Variants in BICC1 observed in about 807,000 individuals in gnomAD.
The protein encoded by BICC1 is BicC family RNA binding protein 1.
Under a neutral mutation model 111.0 loss-of-function variants are expected in BICC1, and 43 were observed. The ratio of observed to expected loss-of-function variants is 0.39; its 90% CI spans 0.30 to 0.50. The LOEUF (loss-of-function observed/expected upper bound fraction) is 0.50, where lower values mean the gene tolerates loss of function less well. BICC1 is among the 20% of genes least tolerant of loss of function. BICC1 has a pLI of 0.88. For missense variants in BICC1, 1,091 were observed against 1,203.2 expected (o/e 0.91, Z 1.38); for synonymous variants, 467 against 434.4 (o/e 1.07, Z -0.93).
chr10:58,562,827 G>C (rs2098962), intron 1 of BICC1, among the ~76,000 whole-genome samples: 13,379 of 152,092 alleles, frequency 0.088, 737 homozygotes, highest in Non-Finnish European at 0.12. Context: ...GATTGGAACA[G>C]TATTGTCTTC....
At chr10:58,632,750 A>G (rs1270530616) in intron 2 of BICC1, among the ~76,000 whole-genome samples, 7 of 152,166 alleles carry the variant, frequency 4.6e-5, no homozygotes, top group African/African-American at 7.2e-5. Context: ...TCCAGCAGAA[A>G]GAACCAACTG....
rs1250187667 is a variant in BICC1, at chr10:58,789,253, T to C, written c.601-9T>C. ...CTCTCTGCTTTGGATTCTCATCATT[T>C]CATTTTAGGAGCTGCTTCCTTTGGT... On this transcript the variant is annotated splice_polypyrimidine_tract_variant and intron_variant, in intron 6 of 20. Transcript: ENST00000373886. 6.2e-7 allele frequency: 1 copy of C among 1,610,140 alleles called. No individual in the cohort carries two copies. The highest frequency in any genetic ancestry group is 1.7e-5 in the Admixed American group (1 of 59,736).
intron 1 of BICC1, among the ~76,000 whole-genome samples, chr10:58,594,124 C>G (rs1431591870): frequency 6.6e-6 from 1 of 151,526 alleles, no homozygotes; most frequent in African/African-American, 2.4e-5. Flanking sequence ...GAAAGGATAT[C>G]AGTGATTGAA....
At chr10:58,671,215 C>A (rs949575996) in intron 2 of BICC1, among the ~76,000 whole-genome samples, 2 of 152,018 alleles carry the variant, frequency 1.3e-5, no homozygotes, top group African/African-American at 4.8e-5. Context: ...CATAGAAAAC[C>A]AAAGCAAAAC....
chr10:58,807,289 C>T (rs1843739396), intron 17 of BICC1, 131 bp downstream of exon 17: 1 of 766,048 alleles, frequency 1.3e-6, no homozygotes, highest in South Asian at 2.3e-5. Flanking sequence ...TATTTCTATT[C>T]TTGTAAACAC....
chr10:58,602,320 T>G (rs1225002418), intron 1 of BICC1, among the ~76,000 whole-genome samples: 1 of 152,200 alleles, frequency 6.6e-6, no homozygotes, highest in Non-Finnish European at 1.5e-5. Flanking sequence ...GTTTGCATCA[T>G]AAATGTACGC....
At chr10:58,568,814 C>G (rs1283763581) in intron 1 of BICC1, among the ~76,000 whole-genome samples, 1 of 152,190 alleles carries the variant, frequency 6.6e-6, no homozygotes, top group East Asian at 1.9e-4. Context: ...AGAATCACAT[C>G]TGAACACCTT....
chr10:58,764,080 A>G (rs1332657872), intron 3 of BICC1, among the ~76,000 whole-genome samples: 2 of 152,206 alleles, frequency 1.3e-5, no homozygotes, highest in Non-Finnish European at 2.9e-5. Flanking sequence ...GTTTACTTAC[A>G]CTTAAAATGA....
chr10:58,747,901 T>G (rs1164942422), intron 3 of BICC1, among the ~76,000 whole-genome samples: 1 of 152,152 alleles, frequency 6.6e-6, no homozygotes, highest in African/African-American at 2.4e-5. Context: ...CATCCATCAT[T>G]TACATATGGT....
intron 2 of BICC1, among the ~76,000 whole-genome samples, chr10:58,626,752 G>A (rs1837640088): frequency 6.6e-6 from 1 of 152,126 alleles, no homozygotes; most frequent in Non-Finnish European, 1.5e-5. Flanking sequence ...CACATTTCCT[G>A]TATTATTCCT....
Position 58,807,094 on chromosome 10 carries a change from C to T in BICC1, c.2312C>T (p.Thr771Ile). 1 of 1,613,976 alleles carries T rather than the reference C, an allele frequency of 6.2e-7. No homozygotes were observed. Among genetic ancestry groups the T allele is most frequent in the Non-Finnish European group, 8.5e-7 (1 of 1,179,898 alleles). Residue 771 changes from threonine to isoleucine, a missense_variant, in exon 17 of 21, where the codon ACT becomes ATT. Transcript: ENST00000373886. ...TTTTCTAAATCCATGCCAGCTGAAA[C>T]TATCAAGGAGTTGAGAAGGGCCAAT... ...LGFSKSMPAE[T>I]IKELRRANHV...
At position 58,619,862 on chromosome 10, in the gene BICC1, T is replaced by A. The variant is rs1246574961; in HGVS notation, c.191-993T>A. Among the ~76,000 whole-genome samples the A allele has an allele frequency of 2.0e-5, 3 of 152,208 alleles. No individual in the cohort carries two copies. In the East Asian group the frequency reaches 5.8e-4, roughly 29 times the overall value. On this transcript the variant is annotated intron_variant, in intron 1 of 20. Coordinates refer to ENST00000373886, the MANE Select transcript of BICC1 (RefSeq NM_001080512.3). ...TTGGGTCTTTAGTCATTTTAACAAG[T>A]GTTCTGGACACACACACATATGCAC...
chr10:58,794,163 T>TG (rs1491345776), intron 9 of BICC1, among the ~76,000 whole-genome samples: 1 of 133,300 alleles, frequency 7.5e-6, no homozygotes, highest in Non-Finnish European at 1.6e-5. Context: ...TACTTACATG[T>TG]TTTGTGTGTG....
At chr10:58,522,180 G>T (rs928026060) in intron 1 of BICC1, among the ~76,000 whole-genome samples, 1 of 151,768 alleles carries the variant, frequency 6.6e-6, no homozygotes, top group Non-Finnish European at 1.5e-5. Context: ...TTGTCATATT[G>T]CACAGTAGGC....
At chr10:58,695,542 C>T (rs1217497360) in intron 2 of BICC1, among the ~76,000 whole-genome samples, 1 of 152,132 alleles carries the variant, frequency 6.6e-6, no homozygotes, top group African/African-American at 2.4e-5. Context: ...TGTTCTTTTC[C>T]TGGTCCAAGA....
chr10:58,592,036 T>C (rs1012255369), intron 1 of BICC1, among the ~76,000 whole-genome samples: 1 of 152,230 alleles, frequency 6.6e-6, no homozygotes, highest in Non-Finnish European at 1.5e-5. Context: ...TCCATACCTT[T>C]TATAATTTTA....
At chr10:58,647,946 G>C (rs1200771036) in intron 2 of BICC1, among the ~76,000 whole-genome samples, 1 of 152,188 alleles carries the variant, frequency 6.6e-6, no homozygotes, top group African/African-American at 2.4e-5. Flanking sequence ...GTTGTAAACT[G>C]TTGGAGAATA....
At chr10:58,591,251 A>AG (rs142013903) in intron 1 of BICC1, among the ~76,000 whole-genome samples, 5,405 of 152,266 alleles carry the variant, frequency 0.035, 296 homozygotes, top group African/African-American at 0.12. Flanking sequence ...GGGTAGGGAA[A>AG]GGGGGACACT....
chr10:58,527,038 C>A (rs1842562232), intron 1 of BICC1, among the ~76,000 whole-genome samples: 1 of 152,230 alleles, frequency 6.6e-6, no homozygotes, highest in Admixed American at 6.5e-5. Flanking sequence ...GTTTACAGTA[C>A]CACCAACGGT....
Sources: gnomAD v4.1 joint callset for allele counts (sites outside exome capture counted in the v4.1 genomes callset) on GRCh38, gnomAD v4.1.1 for gene constraint, MANE v1.5 for transcripts, NCBI Gene and HGNC (gene_info 2026-07-23, HGNC 2026-07-21) for gene names.